AGMO: variants seen among roughly 807,000 people sequenced by gnomAD.
AGMO encodes alkylglycerol monooxygenase.
A neutral mutation model predicts 60.2 loss-of-function variants in AGMO; 75 were observed. The observed-to-expected ratio is 1.25, with a 90% confidence interval of 1.03 to 1.51. The LOEUF is 1.51. Among genes scored for constraint, AGMO ranks in the 40% most tolerant of loss-of-function variants. The probability of loss-of-function intolerance (pLI) is 0.00; values close to 1 mark genes in which losing one functional copy is unlikely to be tolerated. For synonymous variants in AGMO, 261 were observed against 177.1 expected (o/e 1.47, Z -3.76); for missense variants, 763 against 525.5 (o/e 1.45, Z -4.42).
the AGMO span, among the ~76,000 whole-genome samples, chr7:15,157,368 G>C: frequency 7.2e-5 from 11 of 152,326 alleles, no homozygotes; most frequent in East Asian, 2.1e-3. Flanking sequence ...CAGCCCATGA[G>C]GGCAGAGTAT....
At chr7:15,355,322 G>A (rs1377615184) in intron 12 of AGMO, among the ~76,000 whole-genome samples, 1 of 151,938 alleles carries the variant, frequency 6.6e-6, no homozygotes. Flanking sequence ...CTAACACGGT[G>A]AAACGCTGTC....
chr7:15,422,811 TG>T (rs1780961436), intron 4 of AGMO, among the ~76,000 whole-genome samples: 1 of 152,026 alleles, frequency 6.6e-6, no homozygotes, highest in African/African-American at 2.4e-5. Context: ...AATCTGGATG[TG>T]GGAGTGAAGA....
At chr7:15,128,061 G>A in the AGMO span, among the ~76,000 whole-genome samples, 1 of 151,994 alleles carries the variant, frequency 6.6e-6, no homozygotes, top group African/African-American at 2.4e-5. Flanking sequence ...TGAATTTTGT[G>A]TTTATTTCCT....
At chr7:15,191,998 C>T in the AGMO span, among the ~76,000 whole-genome samples, 2 of 149,958 alleles carry the variant, frequency 1.3e-5, no homozygotes, top group Admixed American at 6.6e-5. Flanking sequence ...CACACACACA[C>T]ACACACACAG....
At chr7:15,289,197 T>C (rs1784186480) in intron 12 of AGMO, among the ~76,000 whole-genome samples, 1 of 152,120 alleles carries the variant, frequency 6.6e-6, no homozygotes, top group Admixed American at 6.5e-5. Context: ...AAATATTTGC[T>C]TTTTGTTTTG....
At chr7:15,393,486 T>G (rs1042135735) in intron 6 of AGMO, among the ~76,000 whole-genome samples, 1 of 152,230 alleles carries the variant, frequency 6.6e-6, no homozygotes, top group Non-Finnish European at 1.5e-5. Context: ...CTGAAAAACA[T>G]TTGAATTATT....
At chr7:15,312,352 A>T (rs1780791627) in intron 12 of AGMO, among the ~76,000 whole-genome samples, 1 of 152,130 alleles carries the variant, frequency 6.6e-6, no homozygotes, top group Admixed American at 6.5e-5. Context: ...CTAAAGACAA[A>T]AAGGAAATGT....
intron 2 of AGMO, among the ~76,000 whole-genome samples, chr7:15,549,555 CAA>C (rs1583677711): frequency 6.6e-6 from 1 of 150,958 alleles, no homozygotes; most frequent in African/African-American, 2.4e-5. Context: ...CAACAAAGAT[CAA>C]AAGAGACAAA....
chr7:15,370,466 A>G (rs1034203108), intron 10 of AGMO, among the ~76,000 whole-genome samples: 2 of 152,226 alleles, frequency 1.3e-5, no homozygotes, highest in African/African-American at 4.8e-5. Context: ...AGAAATTTCC[A>G]AACTGCTTTC....
chr7:15,227,013 C>A (rs1782103211), intron 12 of AGMO, among the ~76,000 whole-genome samples: 1 of 151,988 alleles, frequency 6.6e-6, no homozygotes, highest in African/African-American at 2.4e-5. Flanking sequence ...TGAGTAATTA[C>A]TTGAAAAATC....
chr7:15,480,737 C>T (rs1436007322), intron 3 of AGMO, among the ~76,000 whole-genome samples: 1 of 152,100 alleles, frequency 6.6e-6, no homozygotes, highest in Non-Finnish European at 1.5e-5. Context: ...TTTTCTAAGT[C>T]TTTGCCATTA....
chr7:15,176,767 C>T, the AGMO span, among the ~76,000 whole-genome samples: 1 of 151,888 alleles, frequency 6.6e-6, no homozygotes, highest in South Asian at 2.1e-4. Flanking sequence ...TACATTAGAT[C>T]CCCAGAGCTT....
chr7:15,385,491 AAACTGTAC>A lies in AGMO; in HGVS notation c.1021_1028del (p.Val341CysfsTer8), dbSNP rs1562477037. 1 of 1,613,060 alleles carries A rather than the reference AAACTGTAC, an allele frequency of 6.2e-7. No individual in the cohort carries two copies. ...CTTCATAAAATGCCAACATCAGAGCAAACTGTACAACTGTATATATCTTTAATAGCTGA... is the reference window on the plus strand; with the variant it reads ...CTTCATAAAATGCCAACATCAGAGCAAACTGTATATATCTTTAATAGCTGA... On this transcript the variant is annotated frameshift_variant, in exon 10 of 13. Coordinates refer to ENST00000342526, the MANE Select transcript of AGMO (RefSeq NM_001004320.2). LOFTEE classifies it high-confidence loss of function.
intron 3 of AGMO, among the ~76,000 whole-genome samples, chr7:15,476,941 C>G (rs911447710): frequency 3.3e-5 from 5 of 152,002 alleles, no homozygotes; most frequent in African/African-American, 1.2e-4. Context: ...AATTTGAATT[C>G]TAGCATTCTG....
downstream of AGMO, among the ~76,000 whole-genome samples, chr7:15,196,146 G>T (rs1381299804): frequency 6.6e-6 from 1 of 151,632 alleles, no homozygotes; most frequent in Non-Finnish European, 1.5e-5. Context: ...GGGTTCGAGC[G>T]ATTCTTCTGT....
chr7:15,251,136 T>C (rs1315641753), intron 12 of AGMO, among the ~76,000 whole-genome samples: 2 of 152,198 alleles, frequency 1.3e-5, no homozygotes, highest in Non-Finnish European at 2.9e-5. Flanking sequence ...CTCAAAATGC[T>C]GCCTCTTTCT....
At chr7:15,370,603 T>C (rs1032936749) in intron 10 of AGMO, among the ~76,000 whole-genome samples, 10 of 152,220 alleles carry the variant, frequency 6.6e-5, no homozygotes, top group African/African-American at 2.4e-4. Context: ...TGAAACAGTA[T>C]CTCATTGTGG....
At chr7:15,203,434 T>C (rs1409708512) in intron 12 of AGMO, among the ~76,000 whole-genome samples, 6 of 152,142 alleles carry the variant, frequency 3.9e-5, no homozygotes, top group African/African-American at 7.2e-5. Flanking sequence ...TTATCTGAAA[T>C]GCTTTCAAAT....
chr7:15,559,083 A>T (rs1785232287), intron 2 of AGMO, among the ~76,000 whole-genome samples: 1 of 152,138 alleles, frequency 6.6e-6, no homozygotes, highest in Non-Finnish European at 1.5e-5. Context: ...CTCTTCACAC[A>T]TTATAATGTA....
Sources: gnomAD v4.1 joint callset for allele counts (sites outside exome capture counted in the v4.1 genomes callset) on GRCh38, gnomAD v4.1.1 for gene constraint, MANE v1.5 for transcripts, NCBI Gene and HGNC (gene_info 2026-07-23, HGNC 2026-07-21) for gene names.